Variants in GRM7 observed in about 807,000 individuals in gnomAD.
The protein encoded by GRM7 is glutamate metabotropic receptor 7.
In GRM7, 35 loss-of-function variants were observed where a neutral mutation model predicts 84.5. The ratio of observed to expected loss-of-function variants is 0.41; its 90% CI spans 0.32 to 0.55. The LOEUF (loss-of-function observed/expected upper bound fraction) is 0.55, where lower values mean the gene tolerates loss of function less well. GRM7 is among the 20% of genes least tolerant of loss of function. GRM7 has a pLI of 0.19. For missense variants in GRM7, 1,003 were observed against 1,194.6 expected (o/e 0.84, Z 2.36); for synonymous variants, 487 against 455.1 (o/e 1.07, Z -0.89).
chr3:6,932,756 T>C (rs531266295), intron 1 of GRM7, among the ~76,000 whole-genome samples: 2 of 142,646 alleles, frequency 1.4e-5, no homozygotes, highest in South Asian at 2.3e-4. Context: ...TCTCTCTTTT[T>C]TTTTTTTTTT....
At chr3:7,021,487 A>G (rs986706165) in intron 1 of GRM7, among the ~76,000 whole-genome samples, 1 of 152,204 alleles carries the variant, frequency 6.6e-6, no homozygotes, top group Non-Finnish European at 1.5e-5. Context: ...TTGCTAGAAG[A>G]CTGTGAAGCT....
At chr3:7,428,726 T>G (rs1422251555) in intron 5 of GRM7, among the ~76,000 whole-genome samples, 1 of 152,152 alleles carries the variant, frequency 6.6e-6, no homozygotes, top group Non-Finnish European at 1.5e-5. Flanking sequence ...CTTACAATGC[T>G]AGCACAGGCA....
intron 4 of GRM7, among the ~76,000 whole-genome samples, chr3:7,414,123 G>C (rs896641700): frequency 1.3e-5 from 2 of 152,128 alleles, no homozygotes; most frequent in Non-Finnish European, 2.9e-5. Flanking sequence ...TTTTGTAATT[G>C]TAATGATTAT....
intron 1 of GRM7, among the ~76,000 whole-genome samples, chr3:6,947,539 G>C (rs965093635): frequency 5.9e-5 from 9 of 152,128 alleles, no homozygotes; most frequent in Non-Finnish European, 7.3e-5. Flanking sequence ...TCTCTGCCAG[G>C]CTTTGGCATT....
At chr3:7,021,867 G>A (rs1695788769) in intron 1 of GRM7, among the ~76,000 whole-genome samples, 1 of 152,116 alleles carries the variant, frequency 6.6e-6, no homozygotes, top group Admixed American at 6.5e-5. Context: ...TATGGCATTT[G>A]TTGTTTCAGT....
At chr3:7,155,963 A>G (rs1429357846) in intron 2 of GRM7, among the ~76,000 whole-genome samples, 3 of 152,194 alleles carry the variant, frequency 2.0e-5, no homozygotes, top group Non-Finnish European at 4.4e-5. Flanking sequence ...CACATTGTCC[A>G]TAATCACTGG....
At chr3:7,496,399 T>C (rs1699702027) in intron 7 of GRM7, among the ~76,000 whole-genome samples, 2 of 152,078 alleles carry the variant, frequency 1.3e-5, no homozygotes, top group Admixed American at 1.3e-4. Flanking sequence ...AAAGTCAAAA[T>C]GAGGGACAAA....
chr3:6,923,307 G>A (rs1416601444), intron 1 of GRM7, among the ~76,000 whole-genome samples: 3 of 138,648 alleles, frequency 2.2e-5, no homozygotes, highest in African/African-American at 8.6e-5. Context: ...GAGCTACCAC[G>A]CCCAGCCCAC....
At chr3:7,021,370 C>T (rs766891060) in intron 1 of GRM7, among the ~76,000 whole-genome samples, 5 of 152,158 alleles carry the variant, frequency 3.3e-5, no homozygotes, top group African/African-American at 7.2e-5. Context: ...TCATAACTGT[C>T]TACTGAGTAC....
chr3:6,899,165 T>C (rs1696299277), intron 1 of GRM7, among the ~76,000 whole-genome samples: 2 of 152,304 alleles, frequency 1.3e-5, no homozygotes, highest in Admixed American at 6.5e-5. Context: ...CTATCATCCA[T>C]TGAATGCTTG....
At chr3:7,526,591 T>A in intron 7 of GRM7, among the ~76,000 whole-genome samples, 1 of 152,136 alleles carries the variant, frequency 6.6e-6, no homozygotes, top group Admixed American at 6.6e-5. Context: ...AGTCATAAAT[T>A]CATTGCCTAG....
chr3:6,936,749 T>C (rs1697707948), intron 1 of GRM7, among the ~76,000 whole-genome samples: 1 of 152,192 alleles, frequency 6.6e-6, no homozygotes, highest in South Asian at 2.1e-4. Context: ...ACATTATTAT[T>C]TTAATGGCAG....
Position 7,314,325 on chromosome 3 carries a change from C to T in GRM7, c.1033+7673C>T, listed in dbSNP as rs117872710. Among the ~76,000 whole-genome samples, 303 of 151,076 alleles carry T rather than the reference C, an allele frequency of 2.0e-3. 7 individuals are homozygous for T. In the East Asian group the frequency reaches 0.047, roughly 23 times the overall value. ...TATTCCATCCCCCGTCTTTCTCCCT[C>T]CCCCCTAAAAATTGATTTCACTGTC... On this transcript the variant is annotated intron_variant, in intron 4 of 9. Transcript: ENST00000357716.
chr3:7,088,452 T>C (rs1698537736), intron 1 of GRM7, among the ~76,000 whole-genome samples: 1 of 151,748 alleles, frequency 6.6e-6, no homozygotes, highest in Admixed American at 6.6e-5. Flanking sequence ...AGAAAAATAG[T>C]GTATTGACTC....
At position 7,701,016 on chromosome 3, in the gene GRM7, A is replaced by C. The variant is rs144665649; in HGVS notation, c.2698+20721A>C. Among the ~76,000 whole-genome samples the C allele has an allele frequency of 2.0e-5, 3 of 152,304 alleles. No individual in the cohort carries two copies. In the East Asian group the frequency reaches 5.8e-4, roughly 30 times the overall value. On this transcript the variant is annotated intron_variant, in intron 9 of 9. Transcript: ENST00000357716. ...TAAAATCCTATGAGGGCAGTGAAAA[A>C]TGAAGCCCTTTTTACCCTTTCCCCC...
At chr3:7,030,377 G>T (rs915728459) in intron 1 of GRM7, among the ~76,000 whole-genome samples, 15 of 152,122 alleles carry the variant, frequency 9.9e-5, no homozygotes, top group Admixed American at 7.9e-4. Flanking sequence ...ACTTTTGGGG[G>T]TGGGAGATAT....
intron 4 of GRM7, among the ~76,000 whole-genome samples, chr3:7,350,597 T>C (rs1159255187): frequency 6.6e-6 from 1 of 152,124 alleles, no homozygotes; most frequent in East Asian, 1.9e-4. Flanking sequence ...AAATTTCCCA[T>C]TCTCAGGCAT....
intron 4 of GRM7, among the ~76,000 whole-genome samples, chr3:7,372,966 T>A (rs1694201171): frequency 6.6e-6 from 1 of 152,186 alleles, no homozygotes. Context: ...AATATACCAC[T>A]AAGCCAGCAT....
At chr3:7,391,086 A>G (rs1029009251) in intron 4 of GRM7, among the ~76,000 whole-genome samples, 20 of 149,826 alleles carry the variant, frequency 1.3e-4, no homozygotes, top group Non-Finnish European at 1.9e-4. Flanking sequence ...TGTATATTGT[A>G]TATGATCTAT....
Sources: allele counts gnomAD v4.1 joint callset (sites outside exome capture counted in the v4.1 genomes callset), GRCh38; gene constraint gnomAD v4.1.1; transcripts MANE v1.5; gene names NCBI Gene and HGNC (gene_info 2026-07-23, HGNC 2026-07-21).